Variants in ANK2 observed in about 807,000 individuals in gnomAD.
ANK2 encodes the protein ankyrin-2.
Under a neutral mutation model 360.5 loss-of-function variants are expected in ANK2, and 83 were observed. The ratio of observed to expected loss-of-function variants is 0.23; its 90% CI spans 0.19 to 0.28. The LOEUF (loss-of-function observed/expected upper bound fraction) is 0.28, where lower values mean the gene tolerates loss of function less well. ANK2 is among the 10% of genes least tolerant of loss of function. ANK2 has a pLI of 1.00. For missense variants in ANK2, 4,201 were observed against 4,795.7 expected (o/e 0.88, Z 3.66); for synonymous variants, 1,740 against 1,759.5 (o/e 0.99, Z 0.28).
At chr4:112,996,248 T>C (rs2048467306) in intron 2 of ANK2, among the ~76,000 whole-genome samples, 1 of 152,098 alleles carries the variant, frequency 6.6e-6, no homozygotes, top group Non-Finnish European at 1.5e-5. Flanking sequence ...AGCAAATCAG[T>C]AAGTGCCTGG....
intron 2 of ANK2, among the ~76,000 whole-genome samples, chr4:112,926,938 C>T (rs2092630316): frequency 6.6e-6 from 1 of 152,154 alleles, no homozygotes; most frequent in African/African-American, 2.4e-5. Flanking sequence ...TTCCACAGGA[C>T]TGGGGAGGTG....
chr4:113,355,464 C>T lies in ANK2; in HGVS notation c.6846C>T (p.Thr2282=), dbSNP rs570356574. 6.2e-7 allele frequency: 1 copy of T among 1,613,962 alleles called. No homozygotes were observed. Among genetic ancestry groups the T allele is most frequent in the East Asian group, 2.2e-5 (1 of 44,864 alleles). The change falls in exon 38 of 46, where the codon ACC becomes ACT. Residue 2282 remains threonine, a synonymous_variant. Transcript: ENST00000357077. ...GTTCAGAAAAAGAGCATCCCACGACCAAAGACATTACTGGTGGCTCTGAAG... is the reference window on the plus strand; with the variant it reads ...GTTCAGAAAAAGAGCATCCCACGACTAAAGACATTACTGGTGGCTCTGAAG... ...EIRSEKEHPT[T]KDITGGSEER...
intron 32 of ANK2, among the ~76,000 whole-genome samples, chr4:113,339,549 G>A (rs1387009825): frequency 1.3e-5 from 2 of 152,214 alleles, no homozygotes; most frequent in Non-Finnish European, 2.9e-5. Context: ...GAAAAGGAGC[G>A]ATTGTCTGCT....
chr4:113,181,040 G>A (rs2098400246), intron 2 of ANK2, among the ~76,000 whole-genome samples: 1 of 152,140 alleles, frequency 6.6e-6, no homozygotes, highest in Non-Finnish European at 1.5e-5. Flanking sequence ...AGAAATTTTA[G>A]TTTACTTGTT....
intron 2 of ANK2, among the ~76,000 whole-genome samples, chr4:112,970,562 GC>G (rs2039151451): frequency 6.6e-6 from 1 of 152,020 alleles, no homozygotes; most frequent in Non-Finnish European, 1.5e-5. Flanking sequence ...CATCATATTG[GC>G]CAGGCTTGTC....
intron 1 of ANK2, among the ~76,000 whole-genome samples, chr4:112,876,752 T>C (rs1295654236): frequency 2.0e-5 from 3 of 152,152 alleles, no homozygotes; most frequent in East Asian, 3.9e-4. Context: ...AAGTAATTTT[T>C]ATCATTGCAA....
intron 1 of ANK2, among the ~76,000 whole-genome samples, chr4:113,111,702 GA>G (rs34301857): frequency 3.3e-5 from 5 of 151,434 alleles, no homozygotes; most frequent in East Asian, 1.9e-4. Context: ...ATATTTTTTG[GA>G]AAAAAAACCT....
intron 1 of ANK2, among the ~76,000 whole-genome samples, chr4:113,077,118 C>T (rs979084289): frequency 2.6e-5 from 4 of 152,074 alleles, no homozygotes; most frequent in Non-Finnish European, 5.9e-5. Context: ...AAACCTAACT[C>T]TCAAACCATA....
intron 20 of ANK2, among the ~76,000 whole-genome samples, chr4:113,289,345 C>CTA (rs1214369017): frequency 6.6e-6 from 1 of 151,538 alleles, no homozygotes; most frequent in Admixed American, 6.6e-5. Flanking sequence ...CTGGCTAGGA[C>CTA]TATAGGTGCA....
At chr4:113,035,595 A>C (rs866327567) in intron 2 of ANK2, among the ~76,000 whole-genome samples, 1 of 151,378 alleles carries the variant, frequency 6.6e-6, no homozygotes, top group Non-Finnish European at 1.5e-5. Flanking sequence ...TGTGTAGATG[A>C]ATTTAGGCAA....
chr4:112,814,268 T>G (rs542461567), upstream of ANK2, among the ~76,000 whole-genome samples: 1 of 152,316 alleles, frequency 6.6e-6, no homozygotes, highest in East Asian at 1.9e-4. Flanking sequence ...AAACAAGTGT[T>G]AATTACCTAA....
the ANK2 span, among the ~76,000 whole-genome samples, chr4:112,802,834 C>T: frequency 6.6e-6 from 1 of 152,182 alleles, no homozygotes; most frequent in Admixed American, 6.5e-5. Context: ...CATGATTCCT[C>T]CCGAGGTGAT....
At chr4:113,073,023 G>A (rs1421689089) in intron 1 of ANK2, among the ~76,000 whole-genome samples, 3 of 130,112 alleles carry the variant, frequency 2.3e-5, no homozygotes, top group Non-Finnish European at 3.1e-5. Flanking sequence ...GTACAGTGGT[G>A]CAATCTCAGC....
At chr4:113,234,242 A>G (rs766015224) in intron 5 of ANK2, among the ~76,000 whole-genome samples, 20 of 152,168 alleles carry the variant, frequency 1.3e-4, no homozygotes, top group Admixed American at 5.9e-4. Flanking sequence ...CCTTTTATGT[A>G]CATTGCAGCA....
intron 2 of ANK2, among the ~76,000 whole-genome samples, chr4:113,005,996 A>T (rs1362933185): frequency 6.6e-6 from 1 of 152,180 alleles, no homozygotes; most frequent in Admixed American, 6.5e-5. Flanking sequence ...TGCCAGCACC[A>T]TGCCTTGCGT....
intron 45 of ANK2, among the ~76,000 whole-genome samples, chr4:113,376,810 T>TG (rs2096956604): frequency 6.7e-6 from 1 of 148,706 alleles, no homozygotes. Flanking sequence ...AGGTTTTTTT[T>TG]TTTTTTTTTT....
At chr4:112,867,871 A>C (rs2150207416) in intron 1 of ANK2, among the ~76,000 whole-genome samples, 1 of 152,298 alleles carries the variant, frequency 6.6e-6, no homozygotes, top group South Asian at 2.1e-4. Flanking sequence ...ATTTGTGTAC[A>C]AATTTTCATG....
chr4:112,961,420 CCAAA>C (rs981192832), intron 2 of ANK2, among the ~76,000 whole-genome samples: 5 of 151,672 alleles, frequency 3.3e-5, no homozygotes, highest in East Asian at 1.9e-4. Flanking sequence ...TCAAAATTGC[CCAAA>C]CAAAGCTACA....
chr4:113,161,527 A>T (rs761182906), intron 1 of ANK2, among the ~76,000 whole-genome samples: 1 of 152,224 alleles, frequency 6.6e-6, no homozygotes, highest in Non-Finnish European at 1.5e-5. Flanking sequence ...ATTACAGTTC[A>T]TAGCACAATG....
Sources: allele counts gnomAD v4.1 joint callset (sites outside exome capture counted in the v4.1 genomes callset), GRCh38; gene constraint gnomAD v4.1.1; transcripts MANE v1.5; gene names NCBI Gene and HGNC (gene_info 2026-07-23, HGNC 2026-07-21).